Variants in SPEF2 observed in about 807,000 individuals in gnomAD.
SPEF2 encodes sperm flagella and cilia-associated protein 2.
Under a neutral mutation model 224.6 loss-of-function variants are expected in SPEF2, and 187 were observed. That is an observed-to-expected ratio of 0.83 (90% CI 0.74 to 0.94). The LOEUF is 0.94. Among genes scored for constraint, SPEF2 ranks in the 40% least tolerant of loss-of-function variants. The probability of loss-of-function intolerance (pLI) is 0.00; values close to 1 mark genes in which losing one functional copy is unlikely to be tolerated. For missense variants in SPEF2, 2,170 were observed against 2,135.6 expected (o/e 1.02, Z -0.32); for synonymous variants, 715 against 707.3 (o/e 1.01, Z -0.17).
At chr5:35,697,892 T>A (rs1580330361) in intron 15 of SPEF2, 99 bp downstream of exon 15, 1 of 773,542 alleles carries the variant, frequency 1.3e-6, no homozygotes, top group East Asian at 2.8e-5. Context: ...TAATATCTCA[T>A]ACATTTCACT....
chr5:35,772,985 A>G (rs1753085181), intron 27 of SPEF2, among the ~76,000 whole-genome samples: 1 of 152,234 alleles, frequency 6.6e-6, no homozygotes, highest in South Asian at 2.1e-4. Flanking sequence ...TCATATTGCC[A>G]TAGCCCATGG....
At chr5:35,672,816 G>A (rs1054912994) in intron 10 of SPEF2, among the ~76,000 whole-genome samples, 2 of 152,054 alleles carry the variant, frequency 1.3e-5, no homozygotes, top group African/African-American at 4.8e-5. Context: ...TTAAAGAACT[G>A]ACAGTTCCCA....
At chr5:35,707,183 C>T (rs1385069379) in intron 18 of SPEF2, among the ~76,000 whole-genome samples, 1 of 152,186 alleles carries the variant, frequency 6.6e-6, no homozygotes, top group Non-Finnish European at 1.5e-5. Flanking sequence ...GAATGTGGTA[C>T]TTCTATATTC....
At chr5:35,673,800 C>T (rs945204175) in intron 10 of SPEF2, among the ~76,000 whole-genome samples, 3 of 152,092 alleles carry the variant, frequency 2.0e-5, no homozygotes, top group East Asian at 1.9e-4. Context: ...TATGATTTTC[C>T]GTCAACCAGA....
chr5:35,744,415 C>T (rs995857921), intron 23 of SPEF2, among the ~76,000 whole-genome samples: 11 of 152,220 alleles, frequency 7.2e-5, no homozygotes, highest in East Asian at 3.9e-4. Context: ...CCTTTTTATC[C>T]CTGGTAATAT....
intron 36 of SPEF2, among the ~76,000 whole-genome samples, chr5:35,812,685 T>C (rs1758614548): frequency 1.3e-5 from 2 of 152,242 alleles, no homozygotes; most frequent in African/African-American, 2.4e-5. Flanking sequence ...TATTACCTTA[T>C]AATTGAGGTT....
Position 35,694,176 on chromosome 5 carries a change from A to G in SPEF2, c.1900-112A>G, listed in dbSNP as rs923366039. ...TCCTTTAAAATCATTAATGTTATAG[A>G]CAAAAAGTATTGTATTTGTTCTCAA... is the stretch of plus-strand genomic sequence containing the variant. On this transcript the variant is annotated intron_variant, in intron 12 of 36. Coordinates refer to ENST00000356031, the MANE Select transcript of SPEF2 (RefSeq NM_024867.4). The G allele has an allele frequency of 5.5e-5, 43 of 777,820 alleles. 1 individual carries two copies. Among genetic ancestry groups the G allele is most frequent in the East Asian group, 1.1e-4 (4 of 36,800 alleles). 48.2% of individuals were successfully genotyped at this position (777,820 alleles called of 1,614,324 possible).
At chr5:35,710,337 C>T in intron 19 of SPEF2, 6 of 835,424 alleles carry the variant, frequency 7.2e-6, no homozygotes, top group Non-Finnish European at 8.7e-6. Flanking sequence ...GTGGGCAGAT[C>T]ACCAGAAATC....
chr5:35,644,533 A>G lies in SPEF2; in HGVS notation c.585+8A>G, dbSNP rs1747076884. 2 of 1,581,924 alleles carry G rather than the reference A, an allele frequency of 1.3e-6. No individual in the cohort carries two copies. The highest frequency in any genetic ancestry group is 1.7e-6 in the Non-Finnish European group (2 of 1,167,150). The stretch of plus-strand genomic sequence containing the variant: ...TGTTTTGATATTGAAAAGGTTCTAT[A>G]GAACTATTTTTTCAGAAATTCATTA... On this transcript the variant is annotated splice_region_variant and intron_variant, in intron 4 of 36. Coordinates refer to ENST00000356031, the MANE Select transcript of SPEF2 (RefSeq NM_024867.4).
rs1287821593 is a variant in SPEF2 at position 35,667,224 on chromosome 5, C to T, written c.1320C>T (p.Ser440=). Reference sequence around the variant, plus strand: ...TTTTGGATCAAATAGTTGATTTGTCCACTAAAGTGGCAGACTATCGAATGT... The same window carrying T: ...TTTTGGATCAAATAGTTGATTTGTCTACTAAAGTGGCAGACTATCGAATGT... The part of the protein sequence containing the change: ...AEILDQIVDL[S]TKVADYRMLT... The change falls in exon 9 of 37, where the codon TCC becomes TCT. Residue 440 remains serine (S), a synonymous_variant. Coordinates refer to ENST00000356031, the MANE Select transcript of SPEF2 (RefSeq NM_024867.4). The T allele has an allele frequency of 1.2e-6, 2 of 1,604,916 alleles. No homozygotes were observed. Among genetic ancestry groups the T allele is most frequent in the Non-Finnish European group, 1.7e-6 (2 of 1,174,988 alleles).
intron 23 of SPEF2, among the ~76,000 whole-genome samples, chr5:35,745,243 A>G (rs1030604059): frequency 5.3e-5 from 8 of 152,170 alleles, no homozygotes; most frequent in Non-Finnish European, 1.0e-4. Flanking sequence ...CCAGAGGAGC[A>G]GGGGGTAAAA....
At chr5:35,728,367 C>T (rs539279907) in intron 21 of SPEF2, among the ~76,000 whole-genome samples, 2 of 152,178 alleles carry the variant, frequency 1.3e-5, no homozygotes, top group Non-Finnish European at 2.9e-5. Context: ...CTCGCAAGGC[C>T]CAGTTGCCAT....
rs6893315 is a variant in SPEF2, at chr5:35,722,651, A to G, written c.2915-5024A>G. The stretch of plus-strand genomic sequence containing the variant: ...CCCTCCCCCCTCCCCCCACCCCACA[A>G]CAGTCCCCAGAGTGTGACGTTCCCC... On this transcript the variant is annotated intron_variant, in intron 20 of 36. Coordinates refer to ENST00000356031, the MANE Select transcript of SPEF2 (RefSeq NM_024867.4). Among the ~76,000 whole-genome samples, 497 of 85,244 alleles carry G rather than the reference A, an allele frequency of 5.8e-3. 1 individual carries two copies. The highest frequency in any genetic ancestry group is 0.015 in the Middle Eastern group (2 of 136). 55.9% of individuals were successfully genotyped at this position (85,244 alleles called of 152,430 possible). A position where few individuals can be genotyped will look rare whatever the true frequency, so the allele number is the denominator to read the frequency against.
At chr5:35,741,822 T>G (rs73086237) in intron 23 of SPEF2, among the ~76,000 whole-genome samples, 7,462 of 152,252 alleles carry the variant, frequency 0.049, 566 homozygotes, top group African/African-American at 0.16. Flanking sequence ...TACAACTTTT[T>G]TTCTGTTTTC....
intron 20 of SPEF2, among the ~76,000 whole-genome samples, chr5:35,718,756 A>C (rs1399448401): frequency 2.6e-5 from 4 of 152,192 alleles, no homozygotes; most frequent in Non-Finnish European, 5.9e-5. Flanking sequence ...GGGTTGGCTT[A>C]ATCGGCAGGA....
rs373884324 is a variant in SPEF2, at chr5:35,773,898, T to A, written c.3955T>A (p.Ser1319Thr). The change falls in exon 28 of 37, where the codon TCA (serine) becomes ACA (threonine). Residue 1319 changes from serine (S) to threonine (T), a missense_variant. Transcript: ENST00000356031. ...ATGTTTCATTGCCCTTTCAGGTAAA[T>A]CACCACCTATGGCAGAAGCAACTCC... ...KQEDKKPKGKSPPMAEATPVI... is the reference protein window; with the variant it reads ...KQEDKKPKGKTPPMAEATPVI... 16 of 1,611,620 alleles carry A rather than the reference T, an allele frequency of 9.9e-6. No individual in the cohort carries two copies. The African/African-American group carries it at 1.5e-4, about 15-fold the overall frequency.
At chr5:35,713,893 ATGT>A (rs1741837813) in intron 20 of SPEF2, among the ~76,000 whole-genome samples, 2 of 75,052 alleles carry the variant, frequency 2.7e-5, no homozygotes, top group East Asian at 9.3e-4. Context: ...TATAGTATAT[ATGT>A]TATATATAGT....
chr5:35,707,538 G>A (rs1273637508), intron 18 of SPEF2, among the ~76,000 whole-genome samples: 1 of 152,176 alleles, frequency 6.6e-6, no homozygotes, highest in African/African-American at 2.4e-5. Context: ...CACATGTAAA[G>A]AGAAATAGTC....
Position 35,774,037 on chromosome 5 carries a change from A to T in SPEF2, c.4078+16A>T, listed in dbSNP as rs901886440. On this transcript the variant is annotated intron_variant, in intron 28 of 36. Coordinates refer to ENST00000356031, the MANE Select transcript of SPEF2 (RefSeq NM_024867.4). ...CAATTTGAAGGTAGCGATTGAAACG[A>T]CTAAGATGATGCTTTTCAGTAGAAA... The T allele has an allele frequency of 6.2e-7, 1 of 1,609,262 alleles. No homozygotes were observed. Among genetic ancestry groups the T allele is most frequent in the Admixed American group, 1.7e-5 (1 of 59,610 alleles).
Sources: gnomAD v4.1 joint callset for allele counts (sites outside exome capture counted in the v4.1 genomes callset) on GRCh38, gnomAD v4.1.1 for gene constraint, MANE v1.5 for transcripts, NCBI Gene and HGNC (gene_info 2026-07-23, HGNC 2026-07-21) for gene names.